PIEZO2: variants seen among roughly 807,000 people sequenced by gnomAD.
PIEZO2 encodes the protein piezo-type mechanosensitive ion channel component 2.
PIEZO2 carries 172 observed loss-of-function variants against 337.3 expected under a neutral mutation model. The ratio of observed to expected loss-of-function variants is 0.51; its 90% CI spans 0.45 to 0.58. The LOEUF is 0.58. Ranked by LOEUF, PIEZO2 falls within the 20% of genes least tolerant of loss-of-function variation. The pLI, the probability that PIEZO2 is intolerant of heterozygous loss-of-function variation, is 0.00. For synonymous variants in PIEZO2, 1,251 were observed against 1,228.5 expected (o/e 1.02, Z -0.38); for missense variants, 3,028 against 3,391.3 (o/e 0.89, Z 2.66).
At position 10,752,862 on chromosome 18, in the gene PIEZO2, G is replaced by A. The variant is rs9959296; in HGVS notation, c.3941C>T (p.Ser1314Phe). 2.7e-3 allele frequency: 4,078 copies of A among 1,536,490 alleles called. 96 individuals carry two copies. The African/African-American group carries it at 0.049, about 18-fold the overall frequency. The change falls in exon 28 of 56, where the codon TCC (serine) becomes TTC (phenylalanine). Residue 1314 changes from serine (S) to phenylalanine (F), a missense_variant. Coordinates refer to ENST00000674853, the MANE Select transcript of PIEZO2 (RefSeq NM_001378183.1). ...GAGGTAGCTGAAGATGATCACTTTG[G>A]ACATGTCTAAGTAAGATCTGGAAAA... ...FIHCRSYLDM[S>F]KVIIFSYLFW...
chr18:10,695,347 C>T (rs1172429420), intron 47 of PIEZO2, among the ~76,000 whole-genome samples: 1 of 152,132 alleles, frequency 6.6e-6, no homozygotes, highest in East Asian at 1.9e-4. Context: ...ATGCCAGGCA[C>T]ACTGGGGAAC....
At chr18:10,977,767 A>AAT (rs1309021078) in intron 3 of PIEZO2, among the ~76,000 whole-genome samples, 1 of 152,230 alleles carries the variant, frequency 6.6e-6, no homozygotes, top group Non-Finnish European at 1.5e-5. Flanking sequence ...TACATGCTAC[A>AAT]ACATTGACAA....
chr18:10,724,794 C>T lies in PIEZO2; in HGVS notation c.5030-6535G>A, dbSNP rs2036462662. The T allele has an allele frequency of 6.3e-7, 1 of 1,585,988 alleles. No homozygotes were observed. Among genetic ancestry groups the T allele is most frequent in the Non-Finnish European group, 8.6e-7 (1 of 1,164,546 alleles). On this transcript the variant is annotated intron_variant, in intron 36 of 55. Coordinates refer to ENST00000674853, the MANE Select transcript of PIEZO2 (RefSeq NM_001378183.1). The surrounding 1 kb of genome is among the most constrained non-coding windows in gnomAD (Gnocchi z 5.8). ...TGGCAGTCCCCCCAGCACTGCAGCC[C>T]CAGCCTGAGCAGCAGTCGTTCTCAC...
intron 46 of PIEZO2, 31 bp from the exon 47 acceptor site, chr18:10,696,319 G>A (rs767497911): frequency 1.5e-5 from 25 of 1,613,640 alleles, no homozygotes; most frequent in Middle Eastern, 1.6e-4. Context: ...TCATGCCCAA[G>A]AGAGGCAATT....
rs1023512211 is a variant in PIEZO2 at position 10,982,857 on chromosome 18, A to G, written c.161-3197T>C. 6.6e-6 allele frequency among the ~76,000 whole-genome samples: 1 copy of G among 152,064 alleles called. No individual in the cohort carries two copies. The highest frequency in any genetic ancestry group is 1.5e-5 in the Non-Finnish European group (1 of 68,012). Reference sequence around the variant, plus strand: ...TGCCTCAGCCTTCTGAGTAGCTGGCATTACAGGCGTGCACTACCAAACCTG... The same window carrying G: ...TGCCTCAGCCTTCTGAGTAGCTGGCGTTACAGGCGTGCACTACCAAACCTG... On this transcript the variant is annotated intron_variant, in intron 2 of 55. Transcript: ENST00000674853. This position sits in a 1 kb window ranked among gnomAD's most constrained non-coding sequence, Gnocchi z 4.1.
At chr18:11,064,635 G>A (rs1212344114) in intron 2 of PIEZO2, among the ~76,000 whole-genome samples, 3 of 152,160 alleles carry the variant, frequency 2.0e-5, no homozygotes, top group African/African-American at 4.8e-5. Flanking sequence ...TGACATTGCT[G>A]CATATTCAGG....
chr18:10,749,556 C>T (rs1046481150), intron 29 of PIEZO2, among the ~76,000 whole-genome samples: 4 of 152,160 alleles, frequency 2.6e-5, no homozygotes, highest in African/African-American at 7.2e-5. Context: ...TGGTAGGCCA[C>T]GTGTGATGTC....
At chr18:10,802,085 C>CAA (rs58924448) in intron 9 of PIEZO2, among the ~76,000 whole-genome samples, 48 of 96,508 alleles carry the variant, frequency 5.0e-4, no homozygotes, top group African/African-American at 6.5e-4. Flanking sequence ...GACTCCGTCT[C>CAA]AAAAAAAAAA....
At chr18:10,785,025 T>G in intron 16 of PIEZO2, 68 bp from the exon 17 acceptor site, 1 of 1,440,312 alleles carries the variant, frequency 6.9e-7, no homozygotes, top group Non-Finnish European at 9.2e-7. Flanking sequence ...CTCTTTGTGA[T>G]AAACTACATC....
chr18:10,977,829 CT>C (rs2034503501), intron 3 of PIEZO2, among the ~76,000 whole-genome samples: 1 of 152,182 alleles, frequency 6.6e-6, no homozygotes, highest in African/African-American at 2.4e-5. Flanking sequence ...AAGTCATAGA[CT>C]GTATAATTGC....
At chr18:10,706,915 G>A (rs2035610540) in intron 40 of PIEZO2, among the ~76,000 whole-genome samples, 1 of 152,150 alleles carries the variant, frequency 6.6e-6, no homozygotes, top group Non-Finnish European at 1.5e-5. Flanking sequence ...CAAATGCATA[G>A]ACTGTACCCA....
intron 43 of PIEZO2, 120 bp downstream of exon 43, chr18:10,701,869 C>T: frequency 1.4e-6 from 1 of 728,128 alleles, no homozygotes; most frequent in Non-Finnish European, 2.0e-6. Context: ...GAGTAGATAC[C>T]ACTCACTGGC....
Position 10,770,163 on chromosome 18 carries a change from C to T in PIEZO2, c.2931G>A (p.Trp977Ter). 6.5e-7 allele frequency: 1 copy of T among 1,536,956 alleles called. No individual in the cohort carries two copies. The highest frequency in any genetic ancestry group is 8.7e-7 in the Non-Finnish European group (1 of 1,146,816). Residue 977 changes from tryptophan to a stop codon, truncating the protein, a stop_gained, in exon 21 of 56, where the codon TGG (tryptophan) becomes TGA (stop). Coordinates refer to ENST00000674853, the MANE Select transcript of PIEZO2 (RefSeq NM_001378183.1). LOFTEE classifies it high-confidence loss of function. ...GTTCACTTGCCTCTTTCACAGAAAC[C>T]CAGATAATGTAAGAGGAAACGATTT... ...IIKIVSSYII[W>*]VSVKEVSLFN...
intron 13 of PIEZO2, among the ~76,000 whole-genome samples, chr18:10,793,102 C>CA (rs551942838): frequency 5.3e-5 from 8 of 151,806 alleles, no homozygotes; most frequent in South Asian, 2.1e-4. Context: ...AAAAAAAATA[C>CA]AAAAAAATTA....
Position 11,127,367 on chromosome 18 carries a change from C to T in PIEZO2, c.64+21158G>A, listed in dbSNP as rs577527313. On this transcript the variant is annotated intron_variant, in intron 1 of 55. Coordinates refer to ENST00000674853, the MANE Select transcript of PIEZO2 (RefSeq NM_001378183.1). This position sits in a 1 kb window ranked among gnomAD's most constrained non-coding sequence, Gnocchi z 4.5. The stretch of plus-strand genomic sequence containing the variant: ...GATTGAAGGATACGATGTATTGATC[C>T]TGGGTGTGTCTGGGAGGGTGTTGCC... Among the ~76,000 whole-genome samples the T allele has an allele frequency of 1.3e-5, 2 of 152,246 alleles. No individual in the cohort carries two copies. The highest frequency in any genetic ancestry group is 2.4e-5 in the African/African-American group (1 of 41,556).
Position 10,850,367 on chromosome 18 carries a change from T to C in PIEZO2, c.917+4986A>G, listed in dbSNP as rs1046679625. Reference sequence around the variant, plus strand: ...GGGAGGGCATCGCAAACCGGTAAGCTAGTTAACATTATGTTGGCCTAGGAC... The same window carrying C: ...GGGAGGGCATCGCAAACCGGTAAGCCAGTTAACATTATGTTGGCCTAGGAC... On this transcript the variant is annotated intron_variant, in intron 7 of 55. Transcript: ENST00000674853. The surrounding 1 kb of genome is among the most constrained non-coding windows in gnomAD (Gnocchi z 4.5). Among the ~76,000 whole-genome samples the C allele has an allele frequency of 1.3e-5, 2 of 152,182 alleles. No homozygotes were observed. The highest frequency in any genetic ancestry group is 6.5e-5 in the Admixed American group (1 of 15,274).
At chr18:11,024,583 G>C (rs1051111296) in intron 2 of PIEZO2, among the ~76,000 whole-genome samples, 2 of 151,216 alleles carry the variant, frequency 1.3e-5, no homozygotes, top group African/African-American at 4.9e-5. Context: ...AAGTAAAAAG[G>C]AAAGAAAGGG....
At chr18:10,876,254 G>A (rs1038411632) in intron 4 of PIEZO2, among the ~76,000 whole-genome samples, 12 of 152,220 alleles carry the variant, frequency 7.9e-5, no homozygotes, top group African/African-American at 2.7e-4. Flanking sequence ...CAGTCAATGT[G>A]AGAAACTCAC....
At chr18:10,826,103 C>T (rs533732056) in intron 7 of PIEZO2, among the ~76,000 whole-genome samples, 11 of 152,310 alleles carry the variant, frequency 7.2e-5, no homozygotes, top group Admixed American at 5.9e-4. Flanking sequence ...ACTACCCTGA[C>T]CTAACTCTAG....
Sources: gnomAD v4.1 joint callset for allele counts (sites outside exome capture counted in the v4.1 genomes callset) on GRCh38, gnomAD v4.1.1 for gene constraint, Gnocchi (gnomAD v3.1) non-coding constraint, MANE v1.5 for transcripts, NCBI Gene and HGNC (gene_info 2026-07-23, HGNC 2026-07-21) for gene names.